Variants in CXXC4 observed in about 807,000 individuals in gnomAD.
CXXC4 encodes CXXC-type zinc finger protein 4.
Under a neutral mutation model 20.5 loss-of-function variants are expected in CXXC4, and 5 were observed. That is an observed-to-expected ratio of 0.24 (90% CI 0.13 to 0.51). CXXC4 has a LOEUF of 0.51. Ranked by LOEUF, CXXC4 falls within the 20% of genes least tolerant of loss-of-function variation. CXXC4 has a pLI of 0.97. For synonymous variants in CXXC4, 250 were observed against 216.4 expected (o/e 1.16, Z -1.36); for missense variants, 419 against 496.4 (o/e 0.84, Z 1.48).
In CXXC4 at chr4:104,472,275, T is replaced by C. The variant is rs1736296099; in HGVS notation, c.*47A>G. The C allele has an allele frequency of 2.3e-6, 3 of 1,290,616 alleles. No individual in the cohort carries two copies. The highest frequency in any genetic ancestry group is 3.3e-6 in the Non-Finnish European group (3 of 909,366). The allele number at this position is 1,290,616 out of a possible 1,614,324, so 79.9% of individuals were successfully genotyped here. ...GCAGTTTCTTAAAACAAGACATTAG[T>C]TTGCCCTTCATTTCCAAATGCCTTG... On this transcript the variant is annotated 3_prime_UTR_variant, in exon 3 of 3. Coordinates refer to ENST00000394767, the MANE Select transcript of CXXC4 (RefSeq NM_025212.4).
intron 2 of CXXC4, among the ~76,000 whole-genome samples, chr4:104,484,227 G>A (rs765785819): frequency 1.3e-5 from 2 of 151,972 alleles, no homozygotes; most frequent in South Asian, 4.1e-4. Context: ...ATGTTAAAAC[G>A]TTATAAGGTA....
rs1578312566 is a variant in CXXC4, at chr4:104,471,308, G to GA, written c.*1013dup. 1 of 151,464 alleles carries GA rather than the reference G, an allele frequency of 6.6e-6. No homozygotes were observed. The highest frequency in any genetic ancestry group is 1.9e-4 in the East Asian group (1 of 5,164). The allele number at this position is 151,464 out of a possible 1,614,324, so 9.4% of individuals were successfully genotyped here. On this transcript the variant is annotated 3_prime_UTR_variant, in exon 3 of 3. Transcript: ENST00000394767. ...GTTTTTATTAAGATTTTTTCCTACA[G>GA]AAAAAATAAGAAAAAAATTAAGAAA...
At chr4:104,472,471 C>A in intron 2 of CXXC4, 105 bp from the exon 3 acceptor site, 1 of 683,142 alleles carries the variant, frequency 1.5e-6, no homozygotes. Flanking sequence ...TACCAATGTA[C>A]AACATAATGA....
intron 2 of CXXC4, among the ~76,000 whole-genome samples, chr4:104,482,424 G>A (rs1294085256): frequency 6.6e-6 from 1 of 152,112 alleles, no homozygotes; most frequent in Non-Finnish European, 1.5e-5. Context: ...CGGACTAAAG[G>A]TAGAGCACAC....
chr4:104,491,855 G>T lies in CXXC4; in HGVS notation c.-53C>A. The T allele has an allele frequency of 1.3e-6, 1 of 747,646 alleles. No individual in the cohort carries two copies. Among genetic ancestry groups the T allele is most frequent in the Non-Finnish European group, 1.6e-6 (1 of 620,760 alleles). 46.3% of individuals were successfully genotyped at this position (747,646 alleles called of 1,614,324 possible). On this transcript the variant is annotated 5_prime_UTR_variant, in exon 2 of 3. Coordinates refer to ENST00000394767, the MANE Select transcript of CXXC4 (RefSeq NM_025212.4). ...GGTGGAAGTGGGGACCGCCTGGTCC[G>T]ACACCTGGGTGGAAAAGGGGGAAAG...
chr4:104,479,623 T>C (rs1736502979), intron 2 of CXXC4, among the ~76,000 whole-genome samples: 1 of 152,136 alleles, frequency 6.6e-6, no homozygotes, highest in South Asian at 2.1e-4. Context: ...TTAGAAAACA[T>C]TAATTCTAAA....
intron 2 of CXXC4, among the ~76,000 whole-genome samples, chr4:104,484,158 A>G (rs1269981163): frequency 6.6e-6 from 1 of 152,038 alleles, no homozygotes; most frequent in Non-Finnish European, 1.5e-5. Flanking sequence ...AGGTTTTAAA[A>G]TTGGACTGAG....
At chr4:104,478,583 C>A (rs999538787) in intron 2 of CXXC4, among the ~76,000 whole-genome samples, 1 of 151,974 alleles carries the variant, frequency 6.6e-6, no homozygotes, top group African/African-American at 2.4e-5. Flanking sequence ...AGTTAAATTT[C>A]GTAAAAATAC....
At chr4:104,477,853 T>C (rs62329620) in intron 2 of CXXC4, among the ~76,000 whole-genome samples, 1 of 152,124 alleles carries the variant, frequency 6.6e-6, no homozygotes, top group Non-Finnish European at 1.5e-5. Flanking sequence ...GCAGATTAAT[T>C]TTTCTAATAA....
At position 104,491,203 on chromosome 4, in the gene CXXC4, G is replaced by A. The variant is rs748746916; in HGVS notation, c.600C>T (p.Thr200=). The A allele has an allele frequency of 1.2e-5, 19 of 1,613,628 alleles. No individual in the cohort carries two copies. Among genetic ancestry groups the A allele is most frequent in the Non-Finnish European group, 1.6e-5 (19 of 1,179,994 alleles). ...AAGGTCTGCAGTGTTCAGGGGATAA[G>A]GTGGAGAGGAAATTAGTATTTGCCA... ...LQMANTNFLS[T]LSPEHCRPLA... is the part of the protein sequence containing the mutation. The change falls in exon 2 of 3, where the codon ACC becomes ACT. Residue 200 remains threonine, a synonymous_variant. Transcript: ENST00000394767.
intron 2 of CXXC4, among the ~76,000 whole-genome samples, chr4:104,490,078 A>G (rs1736801061): frequency 6.6e-6 from 1 of 152,238 alleles, no homozygotes; most frequent in Admixed American, 6.5e-5. Flanking sequence ...CCTTTATTCT[A>G]AGTCACATCT....
chr4:104,490,534 C>T (rs373693180), intron 2 of CXXC4, among the ~76,000 whole-genome samples: 1 of 150,026 alleles, frequency 6.7e-6, no homozygotes, highest in East Asian at 1.9e-4. Context: ...AGGGCACTCT[C>T]TCTATCAGAA....
intron 2 of CXXC4, among the ~76,000 whole-genome samples, chr4:104,478,851 G>A (rs902779310): frequency 2.6e-5 from 4 of 151,298 alleles, no homozygotes; most frequent in Non-Finnish European, 5.9e-5. Flanking sequence ...GTAAAAATTG[G>A]GTTAATAAAA....
chr4:104,482,708 T>C (rs894869065), intron 2 of CXXC4, among the ~76,000 whole-genome samples: 1 of 152,144 alleles, frequency 6.6e-6, no homozygotes, highest in African/African-American at 2.4e-5. Flanking sequence ...TTTAATCTTG[T>C]TTCATTCTCT....
In CXXC4 at chr4:104,471,037, G is replaced by A. The variant is rs1431499454; in HGVS notation, c.*1285C>T. The A allele has an allele frequency of 6.6e-6, 1 of 151,994 alleles. No homozygotes were observed. The highest frequency in any genetic ancestry group is 1.9e-4 in the East Asian group (1 of 5,166). The allele number at this position is 151,994 out of a possible 1,614,324, so 9.4% of individuals were successfully genotyped here. A position where few individuals can be genotyped will look rare whatever the true frequency, so the allele number is the denominator to read the frequency against. On this transcript the variant is annotated 3_prime_UTR_variant, in exon 3 of 3. Coordinates refer to ENST00000394767, the MANE Select transcript of CXXC4 (RefSeq NM_025212.4). Reference sequence around the variant, plus strand: ...GCCTTCTCAGGAATGAAAGCATCAAGTAACAACAATGGAAATGGCAGCAAT... The same window carrying A: ...GCCTTCTCAGGAATGAAAGCATCAAATAACAACAATGGAAATGGCAGCAAT...
At position 104,490,943 on chromosome 4, in the gene CXXC4, G is replaced by A. The variant is rs754865850; in HGVS notation, c.860C>T (p.Ser287Phe). Residue 287 changes from serine (S) to phenylalanine (F), a missense_variant, in exon 2 of 3, where the codon TCC becomes TTC. Around this residue, in one of 3 missense-constraint regions of CXXC4, gnomAD observed 388 missense variants for 416.0 expected, o/e 0.93. Transcript: ENST00000394767. ...AGCTCCCCCTGAGGAGGACGAGGAG[G>A]AGGAGGAATGATTCTGCGGGCAGTC... ...LADCPQNHSS[S>F]SSSSSGGAGG... 12 of 1,614,138 alleles carry A rather than the reference G, an allele frequency of 7.4e-6. No individual in the cohort carries two copies. In the South Asian group the frequency reaches 1.3e-4, roughly 18 times the overall value.
intron 2 of CXXC4, among the ~76,000 whole-genome samples, chr4:104,490,200 A>C (rs1190960868): frequency 6.6e-6 from 1 of 152,238 alleles, no homozygotes; most frequent in African/African-American, 2.4e-5. Flanking sequence ...GAGTAGAAAA[A>C]TGATTCTAGA....
intron 2 of CXXC4, 51 bp from the exon 3 acceptor site, chr4:104,472,417 T>A: frequency 7.2e-7 from 1 of 1,383,456 alleles, no homozygotes; most frequent in Non-Finnish European, 1.0e-6. Flanking sequence ...TATGCCAATA[T>A]AAAATTAGAT....
chr4:104,480,641 G>A (rs1334687687), intron 2 of CXXC4, among the ~76,000 whole-genome samples: 1 of 151,864 alleles, frequency 6.6e-6, no homozygotes, highest in Non-Finnish European at 1.5e-5. Context: ...ATGCTTAGTG[G>A]TTCTAGTGGA....
Sources: allele counts gnomAD v4.1 joint callset (sites outside exome capture counted in the v4.1 genomes callset), GRCh38; gene constraint gnomAD v4.1.1; regional missense constraint gnomAD v4.1.1; transcripts MANE v1.5; gene names NCBI Gene and HGNC (gene_info 2026-07-23, HGNC 2026-07-21).